The following NCAM1 variants were observed in gnomAD, a reference collection of about 807,000 sequenced individuals.
NCAM1 encodes the protein neural cell adhesion molecule 1, also known as antigen recognized by monoclonal antibody 5.1H11.
In NCAM1, 14 loss-of-function variants were observed where a neutral mutation model predicts 109.8. That is an observed-to-expected ratio of 0.13 (90% CI 0.08 to 0.20). The LOEUF is 0.20. Among genes scored for constraint, NCAM1 ranks in the 10% least tolerant of loss-of-function variants. NCAM1 has a pLI of 1.00. For synonymous variants in NCAM1, 418 were observed against 442.9 expected, an observed-to-expected ratio of 0.94 and a Z score of 0.70; for missense variants, 774 against 1,109.9, an observed-to-expected ratio of 0.70 and a Z score of 4.30.
chr11:113,023,169 A>G (rs1028400374), intron 1 of NCAM1, among the ~76,000 whole-genome samples: 4 of 152,260 alleles, frequency 2.6e-5, no homozygotes, highest in Non-Finnish European at 5.9e-5. Context: ...CACGAACTTT[A>G]AAAGATGGCA....
At chr11:113,177,705 A>G (rs1943206738) in intron 1 of NCAM1, among the ~76,000 whole-genome samples, 1 of 152,082 alleles carries the variant, frequency 6.6e-6, no homozygotes, top group Non-Finnish European at 1.5e-5. Context: ...AAGTGCTGGG[A>G]TTACAGGCAT....
intron 1 of NCAM1, among the ~76,000 whole-genome samples, chr11:113,123,787 A>T (rs1941067611): frequency 6.6e-6 from 1 of 152,194 alleles, no homozygotes; most frequent in African/African-American, 2.4e-5. Context: ...TACAGCCCAC[A>T]GCCTTTCCTT....
At chr11:113,057,262 C>T (rs1555082746) in intron 1 of NCAM1, among the ~76,000 whole-genome samples, 1 of 151,936 alleles carries the variant, frequency 6.6e-6, no homozygotes, top group African/African-American at 2.4e-5. Flanking sequence ...AAGTGAGGAG[C>T]GCCCAGACAG....
At chr11:113,011,483 T>C (rs2135123568) in intron 1 of NCAM1, among the ~76,000 whole-genome samples, 1 of 152,076 alleles carries the variant, frequency 6.6e-6, no homozygotes, top group Middle Eastern at 3.4e-3. Flanking sequence ...TACCCAGTAA[T>C]GGGGTGGCTG....
At chr11:112,970,101 G>A (rs563433037) in intron 1 of NCAM1, among the ~76,000 whole-genome samples, 1 of 152,258 alleles carries the variant, frequency 6.6e-6, no homozygotes, top group South Asian at 2.1e-4. Context: ...CTATTGAAGA[G>A]CAGTTAAAGG....
chr11:113,162,198 T>C (rs555271014), intron 1 of NCAM1, among the ~76,000 whole-genome samples: 8 of 152,350 alleles, frequency 5.3e-5, no homozygotes, highest in African/African-American at 1.9e-4. Context: ...GCCAGGGGCC[T>C]ACTGTAATTT....
At chr11:113,184,615 C>A (rs886433616) in intron 1 of NCAM1, among the ~76,000 whole-genome samples, 1 of 152,142 alleles carries the variant, frequency 6.6e-6, no homozygotes, top group Admixed American at 6.5e-5. Flanking sequence ...AACAAGAATC[C>A]GCTCTGAGCC....
chr11:113,271,831 G>T lies in NCAM1; in HGVS notation c.2411G>T (p.Gly804Val), dbSNP rs782380026. Residue 804 changes from glycine to valine, a missense_variant, in exon 19 of 20, where the codon GGG becomes GTG. Coordinates refer to ENST00000316851, the MANE Select transcript of NCAM1 (RefSeq NM_181351.5). ...EEERTPNHDGGKHTEPNETTP... is the reference protein window; with the variant it reads ...EEERTPNHDGVKHTEPNETTP... ...GAGAGGACCCCAAACCATGATGGAG[G>T]GAAACACACAGAGCCCAACGAGACC... The T allele has an allele frequency of 3.8e-6, 6 of 1,573,414 alleles. No homozygotes were observed. In the African/African-American group the frequency reaches 8.1e-5, roughly 21 times the overall value.
chr11:113,059,043 A>G (rs1224292048), intron 1 of NCAM1, among the ~76,000 whole-genome samples: 1 of 152,204 alleles, frequency 6.6e-6, no homozygotes, highest in East Asian at 1.9e-4. Context: ...AGTAACTAGG[A>G]GAATGGCTGG....
intron 17 of NCAM1, among the ~76,000 whole-genome samples, chr11:113,262,361 A>C (rs183284855): frequency 6.6e-6 from 1 of 152,358 alleles, no homozygotes; most frequent in East Asian, 1.9e-4. Flanking sequence ...AACACGCTAG[A>C]CACTAGAAGA....
intron 15 of NCAM1, among the ~76,000 whole-genome samples, chr11:113,249,109 A>AT (rs1163683216): frequency 6.6e-6 from 1 of 151,858 alleles, no homozygotes. Flanking sequence ...TCATAATGAT[A>AT]TTTTTTTTCT....
chr11:113,112,459 TC>T (rs1179333295), intron 1 of NCAM1, among the ~76,000 whole-genome samples: 3 of 152,202 alleles, frequency 2.0e-5, no homozygotes, highest in African/African-American at 7.2e-5. Flanking sequence ...CTAGATGACT[TC>T]CCAGGCTAAT....
chr11:112,967,137 T>C (rs1352100004), intron 1 of NCAM1, among the ~76,000 whole-genome samples: 1 of 152,180 alleles, frequency 6.6e-6, no homozygotes, highest in Non-Finnish European at 1.5e-5. Context: ...GCTGCAAACA[T>C]GGGTAACAGC....
At chr11:113,175,925 A>G (rs1273350400) in intron 1 of NCAM1, among the ~76,000 whole-genome samples, 1 of 152,244 alleles carries the variant, frequency 6.6e-6, no homozygotes, top group Non-Finnish European at 1.5e-5. Flanking sequence ...CACGGTAAGA[A>G]TGTGGGTGGC....
At chr11:113,178,772 G>A (rs544349835) in intron 1 of NCAM1, among the ~76,000 whole-genome samples, 1 of 152,320 alleles carries the variant, frequency 6.6e-6, no homozygotes, top group African/African-American at 2.4e-5. Flanking sequence ...TCTGAAGAGT[G>A]AAGAACCTGG....
At chr11:113,124,956 C>T (rs985347893) in intron 1 of NCAM1, among the ~76,000 whole-genome samples, 4 of 152,176 alleles carry the variant, frequency 2.6e-5, no homozygotes, top group East Asian at 1.9e-4. Flanking sequence ...ATACCATTAG[C>T]CATCACACTG....
In NCAM1 at chr11:113,198,897, C is replaced by A. The variant is rs543065019; in HGVS notation, c.53-3482C>A. ...AATTTCCACGTTCATACAGTGGAGA[C>A]AATAATATTGGCCTTTTTATCACTC... On this transcript the variant is annotated intron_variant, in intron 1 of 19. Transcript: ENST00000316851. Among the ~76,000 whole-genome samples, 33 of 152,218 alleles carry A rather than the reference C, an allele frequency of 2.2e-4. No individual in the cohort carries two copies. The East Asian group carries it at 5.8e-3, about 27-fold the overall frequency.
intron 2 of NCAM1, among the ~76,000 whole-genome samples, chr11:113,203,285 A>C (rs1044807386): frequency 6.6e-6 from 1 of 151,852 alleles, no homozygotes; most frequent in Admixed American, 6.6e-5. Context: ...GGATGTGTTC[A>C]CTCCAGCTTT....
intron 17 of NCAM1, among the ~76,000 whole-genome samples, chr11:113,265,768 G>T (rs1030951513): frequency 9.9e-5 from 15 of 152,116 alleles, no homozygotes; most frequent in Non-Finnish European, 1.3e-4. Flanking sequence ...CCATCTTCTG[G>T]GAGTCTTGGG....
Sources: allele counts gnomAD v4.1 joint callset (sites outside exome capture counted in the v4.1 genomes callset), GRCh38; gene constraint gnomAD v4.1.1; transcripts MANE v1.5; gene names NCBI Gene and HGNC (gene_info 2026-07-23, HGNC 2026-07-21).